GTF2A1L: variants seen among roughly 807,000 people sequenced by gnomAD.
The protein encoded by GTF2A1L is TFIIA-alpha and beta-like factor.
GTF2A1L carries 48 observed loss-of-function variants against 49.7 expected under a neutral mutation model. That is an observed-to-expected ratio of 0.97 (90% CI 0.77 to 1.23). The LOEUF (loss-of-function observed/expected upper bound fraction) is 1.23. Among genes scored for constraint, GTF2A1L ranks in the 50% most tolerant of loss-of-function variants. The pLI, the probability that GTF2A1L is intolerant of heterozygous loss-of-function variation, is 0.00. For missense variants in GTF2A1L, 736 were observed against 564.8 expected (o/e 1.30, Z -3.07); for synonymous variants, 246 against 193.5 (o/e 1.27, Z -2.25).
At chr2:48,661,386 C>T (rs571929523) in intron 6 of GTF2A1L, among the ~76,000 whole-genome samples, 8 of 150,020 alleles carry the variant, frequency 5.3e-5, no homozygotes, top group South Asian at 2.1e-4. Context: ...CCTGAGTAGC[C>T]GGGATTATAG....
intron 5 of GTF2A1L, among the ~76,000 whole-genome samples, chr2:48,645,637 C>G (rs551303797): frequency 4.6e-5 from 7 of 152,248 alleles, no homozygotes; most frequent in Non-Finnish European, 8.8e-5. Context: ...AAGCACCTAA[C>G]TCAACACTCA....
At chr2:48,621,317 T>C (rs748423396) in intron 3 of GTF2A1L, 27 bp downstream of exon 3, 1 of 1,613,584 alleles carries the variant, frequency 6.2e-7, no homozygotes, top group East Asian at 2.2e-5. Flanking sequence ...AAATGAGTAC[T>C]GTTAGTATCT....
chr2:48,679,352 C>G lies in GTF2A1L; in HGVS notation c.1347C>G (p.Asn449Lys). The change falls in exon 9 of 9, where the codon AAC becomes AAG. Residue 449 changes from asparagine to lysine, a missense_variant. Asn to Lys is a moderately conservative substitution (Grantham distance 94). Coordinates refer to ENST00000403751, the MANE Select transcript of GTF2A1L (RefSeq NM_006872.5). ...CCCTCCAGATTCATCGAAGCAAGAACAAATGGAAATTCTATTTGAAAGATG... is the reference window on the plus strand; with the variant it reads ...CCCTCCAGATTCATCGAAGCAAGAAGAAATGGAAATTCTATTTGAAAGATG... ...CQYDKIHRSKNKWKFYLKDGV... is the reference protein window; with the variant it reads ...CQYDKIHRSKKKWKFYLKDGV... 6.2e-7 allele frequency: 1 copy of G among 1,609,986 alleles called. No individual in the cohort carries two copies. The highest frequency in any genetic ancestry group is 8.5e-7 in the Non-Finnish European group (1 of 1,178,534).
intron 6 of GTF2A1L, among the ~76,000 whole-genome samples, chr2:48,650,564 A>G (rs1259317149): frequency 6.6e-6 from 1 of 152,186 alleles, no homozygotes; most frequent in Non-Finnish European, 1.5e-5. Context: ...CCTATCAATA[A>G]TTGACTTTAG....
intron 8 of GTF2A1L, among the ~76,000 whole-genome samples, chr2:48,675,397 T>C (rs778396961): frequency 6.6e-6 from 1 of 152,100 alleles, no homozygotes; most frequent in Non-Finnish European, 1.5e-5. Context: ...ATATTTTATT[T>C]GGATTTGATT....
At chr2:48,644,678 A>C (rs765800730) in intron 4 of GTF2A1L, among the ~76,000 whole-genome samples, 5 of 152,232 alleles carry the variant, frequency 3.3e-5, no homozygotes, top group Non-Finnish European at 5.9e-5. Context: ...ACCAATTTTT[A>C]TCACATTCTC....
chr2:48,652,402 G>A (rs7602143), intron 6 of GTF2A1L, among the ~76,000 whole-genome samples: 7,239 of 151,948 alleles, frequency 0.048, 563 homozygotes, highest in African/African-American at 0.17. Flanking sequence ...GATCACTTGA[G>A]GTTAGGAGTT....
At chr2:48,641,543 T>C (rs1215123720) in intron 3 of GTF2A1L, among the ~76,000 whole-genome samples, 1 of 152,198 alleles carries the variant, frequency 6.6e-6, no homozygotes, top group East Asian at 1.9e-4. Context: ...TTTGTGTTTT[T>C]ATTAAAGATG....
At chr2:48,644,829 G>A (rs1677406138) in intron 4 of GTF2A1L, among the ~76,000 whole-genome samples, 1 of 152,164 alleles carries the variant, frequency 6.6e-6, no homozygotes. Context: ...GCTAATAACT[G>A]TAGAATAGGA....
chr2:48,636,158 G>C (rs1676875152), intron 3 of GTF2A1L, among the ~76,000 whole-genome samples: 1 of 152,100 alleles, frequency 6.6e-6, no homozygotes, highest in South Asian at 2.1e-4. Context: ...TTACTATTTT[G>C]TTATTTCCAA....
chr2:48,653,200 G>A (rs1187618886), intron 6 of GTF2A1L, among the ~76,000 whole-genome samples: 1 of 133,662 alleles, frequency 7.5e-6, no homozygotes, highest in Non-Finnish European at 1.5e-5. Flanking sequence ...CAGCCTGGGT[G>A]ACAGAGCCAG....
At position 48,676,760 on chromosome 2, in the gene GTF2A1L, G is replaced by C. The variant is rs185923849; in HGVS notation, c.1330-2575G>C. The stretch of plus-strand genomic sequence containing the variant: ...GAATAAAAAGTTCTTTCTTACCTCA[G>C]AGTTTTAAAGGGAAGCTCATGTTTT... On this transcript the variant is annotated intron_variant, in intron 8 of 8. Coordinates refer to ENST00000403751, the MANE Select transcript of GTF2A1L (RefSeq NM_006872.5). 1.6e-3 allele frequency among the ~76,000 whole-genome samples: 247 copies of C among 151,388 alleles called. 2 individuals are homozygous for C. The highest frequency in any genetic ancestry group is 5.5e-3 in the African/African-American group (227 of 41,402).
rs879941377 is a variant in GTF2A1L at position 48,654,404 on chromosome 2, ATTT to A, written c.978+7371_978+7373del. ...TGGTGCAAGGTTAGGATGGAGGTTC[ATTT>A]TTTTTTTTGGAGACAGAGTCTCGCT... On this transcript the variant is annotated intron_variant, in intron 6 of 8. Coordinates refer to ENST00000403751, the MANE Select transcript of GTF2A1L (RefSeq NM_006872.5). Among the ~76,000 whole-genome samples the A allele has an allele frequency of 2.1e-5, 3 of 145,598 alleles. No individual in the cohort carries two copies. In the East Asian group the frequency reaches 6.0e-4, roughly 29 times the overall value.
chr2:48,678,854 A>C (rs1173436253), intron 8 of GTF2A1L, among the ~76,000 whole-genome samples: 1 of 152,016 alleles, frequency 6.6e-6, no homozygotes, highest in African/African-American at 2.4e-5. Context: ...CAATCCAGGC[A>C]TGCCCCTCTT....
At chr2:48,647,449 C>T (rs753875145) in intron 6 of GTF2A1L, among the ~76,000 whole-genome samples, 4 of 152,016 alleles carry the variant, frequency 2.6e-5, no homozygotes, top group Non-Finnish European at 4.4e-5. Flanking sequence ...AATCTGTTTA[C>T]CAGTCTCTTA....
At chr2:48,638,198 G>A (rs372816386) in intron 3 of GTF2A1L, among the ~76,000 whole-genome samples, 3 of 152,242 alleles carry the variant, frequency 2.0e-5, no homozygotes, top group Non-Finnish European at 4.4e-5. Context: ...TCAAAAAATT[G>A]AGGAGGAAGG....
In GTF2A1L at chr2:48,646,994, G is replaced by A; in HGVS notation, c.930G>A (p.Lys310=). 6.2e-7 allele frequency: 1 copy of A among 1,613,862 alleles called. No individual in the cohort carries two copies. The highest frequency in any genetic ancestry group is 2.2e-5 in the East Asian group (1 of 44,884). ...GGATGTATGGATGTGATTCTGTAAAGCAACCAAGAAATATAGAGGAACCCA... is the reference window on the plus strand; with the variant it reads ...GGATGTATGGATGTGATTCTGTAAAACAACCAAGAAATATAGAGGAACCCA... ...KNRMYGCDSV[K]QPRNIEEPSN... Residue 310 remains lysine (K), a synonymous_variant, in exon 6 of 9, where the codon AAG becomes AAA. Coordinates refer to ENST00000403751, the MANE Select transcript of GTF2A1L (RefSeq NM_006872.5).
intron 6 of GTF2A1L, 184 bp downstream of exon 6, chr2:48,647,226 CAT>C (rs1677570486): frequency 7.4e-6 from 4 of 536,994 alleles, no homozygotes; most frequent in South Asian, 7.3e-5. Context: ...ATACACGTAA[CAT>C]AAAGTTTACC....
chr2:48,658,318 A>G (rs4429518), intron 6 of GTF2A1L, among the ~76,000 whole-genome samples: 27,041 of 152,176 alleles, frequency 0.18, 2,784 homozygotes, highest in South Asian at 0.25. Context: ...TCTTCTGCAT[A>G]TGGCTAGCCA....
Sources: gnomAD v4.1 joint callset for allele counts (sites outside exome capture counted in the v4.1 genomes callset) on GRCh38, gnomAD v4.1.1 for gene constraint, MANE v1.5 for transcripts, NCBI Gene and HGNC (gene_info 2026-07-23, HGNC 2026-07-21) for gene names.